BMERB1: variants seen among roughly 807,000 people sequenced by gnomAD.
BMERB1 encodes the protein bMERB domain containing 1.
A neutral mutation model predicts 23.6 loss-of-function variants in BMERB1; 12 were observed. That is an observed-to-expected ratio of 0.51 (90% confidence interval 0.33 to 0.82). The LOEUF is 0.82. BMERB1 is among the 40% of genes least tolerant of loss of function. The pLI, the probability that BMERB1 is intolerant of heterozygous loss-of-function variation, is 0.03. For missense variants in BMERB1, 247 were observed against 255.4 expected (o/e 0.97, Z 0.22); for synonymous variants, 122 against 96.6 (o/e 1.26, Z -1.54).
At chr16:15,504,192 C>A (rs373731431) in intron 1 of BMERB1, among the ~76,000 whole-genome samples, 6 of 152,292 alleles carry the variant, frequency 3.9e-5, no homozygotes, top group African/African-American at 1.4e-4. Flanking sequence ...GAACCACTCC[C>A]CTCTCTTGCC....
chr16:15,512,110 CTTCT>C (rs1158718968), intron 1 of BMERB1, among the ~76,000 whole-genome samples: 3 of 149,900 alleles, frequency 2.0e-5, no homozygotes, highest in African/African-American at 7.3e-5. Context: ...AGAGAATTAC[CTTCT>C]TTCTGTCTCT....
chr16:15,562,603 A>G (rs1199577436), intron 2 of BMERB1, among the ~76,000 whole-genome samples: 1 of 152,132 alleles, frequency 6.6e-6, no homozygotes, highest in Non-Finnish European at 1.5e-5. Context: ...TAGGATGTTT[A>G]GCAGTGTCCC....
At chr16:15,549,093 C>A (rs1215563703) in intron 2 of BMERB1, among the ~76,000 whole-genome samples, 1 of 152,056 alleles carries the variant, frequency 6.6e-6, no homozygotes, top group Non-Finnish European at 1.5e-5. Context: ...AATCCCAGCA[C>A]TTAGGGAGGC....
At chr16:15,476,325 G>A (rs1358688894) in intron 1 of BMERB1, among the ~76,000 whole-genome samples, 2 of 152,032 alleles carry the variant, frequency 1.3e-5, no homozygotes, top group Non-Finnish European at 2.9e-5. Flanking sequence ...ACCATACCCG[G>A]CTAATTTTTG....
At chr16:15,545,264 C>T (rs916436230) in intron 2 of BMERB1, among the ~76,000 whole-genome samples, 22 of 152,262 alleles carry the variant, frequency 1.4e-4, no homozygotes, top group African/African-American at 5.3e-4. Flanking sequence ...TGAGCCACCA[C>T]ACCTGGCCCC....
At chr16:15,518,713 T>C (rs1177874369) in intron 2 of BMERB1, among the ~76,000 whole-genome samples, 2 of 151,922 alleles carry the variant, frequency 1.3e-5, no homozygotes, top group Non-Finnish European at 2.9e-5. Context: ...ATTTGCCTGA[T>C]GCTGCATTAG....
intron 2 of BMERB1, among the ~76,000 whole-genome samples, chr16:15,540,256 G>C (rs1005877782): frequency 1.3e-5 from 2 of 152,040 alleles, no homozygotes; most frequent in South Asian, 4.2e-4. Flanking sequence ...GACAATAAAA[G>C]AGAACACGCC....
intron 1 of BMERB1, among the ~76,000 whole-genome samples, chr16:15,504,446 T>A (rs773075235): frequency 1.7e-3 from 223 of 134,698 alleles, no homozygotes; most frequent in African/African-American, 5.8e-3. Context: ...TCTTCTTAAA[T>A]TTTTTTTTTT....
At chr16:15,499,248 G>A (rs114819852) in intron 1 of BMERB1, among the ~76,000 whole-genome samples, 2,107 of 151,938 alleles carry the variant, frequency 0.014, 57 homozygotes, top group African/African-American at 0.049. Context: ...AAATACAAAA[G>A]TTAGTCAGGC....
chr16:15,578,428 T>C (rs984610849), intron 3 of BMERB1, among the ~76,000 whole-genome samples: 1 of 152,148 alleles, frequency 6.6e-6, no homozygotes, highest in Non-Finnish European at 1.5e-5. Context: ...AAGTATGACC[T>C]CATTTTAGCT....
intron 2 of BMERB1, among the ~76,000 whole-genome samples, chr16:15,542,586 T>C (rs1218589323): frequency 6.6e-6 from 1 of 151,356 alleles, no homozygotes; most frequent in Non-Finnish European, 1.5e-5. Flanking sequence ...ACCAAATAGA[T>C]ATTTTATTAA....
At chr16:15,562,659 A>G (rs976393966) in intron 2 of BMERB1, among the ~76,000 whole-genome samples, 5 of 152,064 alleles carry the variant, frequency 3.3e-5, no homozygotes, top group African/African-American at 7.2e-5. Context: ...CCCCTCCCCA[A>G]CACACACTCA....
intron 2 of BMERB1, among the ~76,000 whole-genome samples, chr16:15,530,354 T>C (rs1424290847): frequency 6.6e-6 from 1 of 152,210 alleles, no homozygotes; most frequent in Non-Finnish European, 1.5e-5. Context: ...TAACCCAGGA[T>C]GATCTCCCCA....
chr16:15,445,074 G>A (rs153797), intron 1 of BMERB1, among the ~76,000 whole-genome samples: 78,083 of 151,808 alleles, frequency 0.51, 20,270 homozygotes, highest in Admixed American at 0.61. Flanking sequence ...CAATTTTTTT[G>A]TAGAGGTGGG....
intron 2 of BMERB1, among the ~76,000 whole-genome samples, chr16:15,558,367 G>T (rs1205410411): frequency 6.6e-6 from 1 of 152,126 alleles, no homozygotes; most frequent in Non-Finnish European, 1.5e-5. Context: ...GGGAAGAGGT[G>T]ATTGGAGGCA....
intron 1 of BMERB1, among the ~76,000 whole-genome samples, chr16:15,440,891 A>G (rs912503510): frequency 6.6e-6 from 1 of 152,194 alleles, no homozygotes; most frequent in East Asian, 1.9e-4. Flanking sequence ...GTCATAGTAA[A>G]TGTTTCATGG....
intron 1 of BMERB1, among the ~76,000 whole-genome samples, chr16:15,475,139 G>C (rs965037602): frequency 5.3e-5 from 8 of 152,150 alleles, no homozygotes; most frequent in Admixed American, 1.3e-4. Flanking sequence ...TTCCTGGTAG[G>C]GGGTGTACGT....
chr16:15,468,382 G>C (rs1377199787), intron 1 of BMERB1, among the ~76,000 whole-genome samples: 2 of 151,950 alleles, frequency 1.3e-5, no homozygotes, highest in Non-Finnish European at 2.9e-5. Context: ...CTGGCCTCAA[G>C]TGATCCACCC....
chr16:15,577,562 C>CT (rs373969100), intron 3 of BMERB1, among the ~76,000 whole-genome samples: 274 of 152,340 alleles, frequency 1.8e-3, no homozygotes, highest in African/African-American at 6.3e-3. Flanking sequence ...GTAAAGGACA[C>CT]TTGGAAGACG....
Sources: allele counts gnomAD v4.1 joint callset (sites outside exome capture counted in the v4.1 genomes callset), GRCh38; gene constraint gnomAD v4.1.1; transcripts MANE v1.5; gene names NCBI Gene and HGNC (gene_info 2026-07-23, HGNC 2026-07-21).